Variants in PLXNA4 observed in about 807,000 individuals in gnomAD.
PLXNA4 encodes plexin-A4.
PLXNA4 carries 44 observed loss-of-function variants against 191.8 expected under a neutral mutation model. The observed-to-expected ratio is 0.23, with a 90% CI of 0.18 to 0.29. The LOEUF is 0.29. Among genes scored for constraint, PLXNA4 ranks in the 10% least tolerant of loss-of-function variants. PLXNA4 has a pLI of 1.00. For missense variants in PLXNA4, 1,800 were observed against 2,488.8 expected, an observed-to-expected ratio of 0.72 and a Z score of 5.89; for synonymous variants, 1,082 against 1,009.5, an observed-to-expected ratio of 1.07 and a Z score of -1.36.
At chr7:132,284,093 A>C (rs1421274861) in intron 4 of PLXNA4, among the ~76,000 whole-genome samples, 1 of 152,190 alleles carries the variant, frequency 6.6e-6, no homozygotes, top group Non-Finnish European at 1.5e-5. Context: ...GGATCATCTG[A>C]GCTTAGGACT....
intron 3 of PLXNA4, among the ~76,000 whole-genome samples, chr7:132,371,656 G>A (rs1804445683): frequency 6.6e-6 from 1 of 152,214 alleles, no homozygotes; most frequent in Non-Finnish European, 1.5e-5. Context: ...CTCGAGTGGG[G>A]ACGGAGACAG....
intron 2 of PLXNA4, among the ~76,000 whole-genome samples, chr7:132,504,207 C>T (rs1422168770): frequency 6.6e-6 from 1 of 152,262 alleles, no homozygotes; most frequent in Non-Finnish European, 1.5e-5. Context: ...GGTTCTACCC[C>T]AACGGCCCAA....
intron 3 of PLXNA4, among the ~76,000 whole-genome samples, chr7:132,381,936 A>T (rs1376673387): frequency 9.2e-5 from 14 of 152,158 alleles, no homozygotes. Context: ...GATGTGAGAG[A>T]CGATTCCCAC....
intron 14 of PLXNA4, among the ~76,000 whole-genome samples, chr7:132,189,967 A>G (rs951814157): frequency 6.6e-6 from 1 of 152,174 alleles, no homozygotes; most frequent in Non-Finnish European, 1.5e-5. Context: ...TTCCTCAAAG[A>G]TGTCCCTTAA....
chr7:132,275,375 G>T (rs560617275), intron 4 of PLXNA4, among the ~76,000 whole-genome samples: 2 of 151,994 alleles, frequency 1.3e-5, no homozygotes, highest in African/African-American at 2.4e-5. Flanking sequence ...TTTAAAATGC[G>T]GGTATAGTTC....
At position 132,245,174 on chromosome 7, in the gene PLXNA4, C is replaced by T. The variant is rs1799006712; in HGVS notation, c.1504-4008G>A. Among the ~76,000 whole-genome samples, 3 of 150,656 alleles carry T rather than the reference C, an allele frequency of 2.0e-5. No homozygotes were observed. In the South Asian group the frequency reaches 6.3e-4, roughly 31 times the overall value. On this transcript the variant is annotated intron_variant, in intron 4 of 31. Coordinates refer to ENST00000321063, the MANE Select transcript of PLXNA4 (RefSeq NM_020911.2). Reference sequence around the variant, plus strand: ...TAACTGAGTGAGGGAATTCAGACCACAGGAAGAGGTGAAAAAAGAAAGTAA... The same window carrying T: ...TAACTGAGTGAGGGAATTCAGACCATAGGAAGAGGTGAAAAAAGAAAGTAA...
intron 2 of PLXNA4, among the ~76,000 whole-genome samples, chr7:132,599,587 T>C (rs1302554614): frequency 6.6e-6 from 1 of 152,208 alleles, no homozygotes; most frequent in African/African-American, 2.4e-5. Context: ...TTTCATTTAT[T>C]CTAGTAGTTT....
chr7:132,541,192 T>C (rs1187123105), intron 1 of PLXNA4, among the ~76,000 whole-genome samples: 3 of 152,184 alleles, frequency 2.0e-5, no homozygotes, highest in Admixed American at 2.0e-4. Context: ...CCATTTCCCC[T>C]AACTTAACAC....
At chr7:132,413,328 C>T (rs993868640) in intron 3 of PLXNA4, among the ~76,000 whole-genome samples, 1 of 152,112 alleles carries the variant, frequency 6.6e-6, no homozygotes, top group Non-Finnish European at 1.5e-5. Flanking sequence ...ACTGGCTGGG[C>T]CTCCTGTCTC....
At position 132,146,533 on chromosome 7, in the gene PLXNA4, G is replaced by A. The variant is rs376641851; in HGVS notation, c.5032C>T (p.Leu1678=). ...RGSKMVSEIY[L]TRLLATKGTL... ...ACCTTAGTGGCCAGGAGTCGGGTCA[G>A]GTAGATTTCAGACACCATCTTGCTC... The change falls in exon 28 of 32, where the codon CTG becomes TTG. Residue 1678 remains leucine (L), a synonymous_variant. Coordinates refer to ENST00000321063, the MANE Select transcript of PLXNA4 (RefSeq NM_020911.2). 55 of 1,614,132 alleles carry A rather than the reference G, an allele frequency of 3.4e-5. No homozygotes were observed. The East Asian group carries it at 9.8e-4, about 29-fold the overall frequency.
At chr7:132,528,635 T>A (rs6968520) in intron 1 of PLXNA4, among the ~76,000 whole-genome samples, 149,927 of 152,336 alleles carry the variant, frequency 0.98, 73,820 homozygotes, top group Middle Eastern at 1. Context: ...TAAAAGAGAC[T>A]CATGTGAGGG....
At chr7:132,165,001 A>T in intron 23 of PLXNA4, 133 bp downstream of exon 23, 2 of 1,347,120 alleles carry the variant, frequency 1.5e-6, no homozygotes, top group Non-Finnish European at 2.0e-6. Flanking sequence ...CATGATAAGG[A>T]TGAATTCCAT....
rs372732585 is a variant in PLXNA4, at chr7:132,174,958, G to A, written c.3875-38C>T. On this transcript the variant is annotated intron_variant, in intron 20 of 31. Transcript: ENST00000321063. ...GAAGCCTGTGAGATGGCTGGATGGG[G>A]AGGCTCCAGGAGTCACCTCCATCTC... 194 of 1,608,446 alleles carry A rather than the reference G, an allele frequency of 1.2e-4. 1 individual carries two copies. The highest frequency in any genetic ancestry group is 1.3e-4 in the Non-Finnish European group (158 of 1,175,672).
intron 14 of PLXNA4, among the ~76,000 whole-genome samples, chr7:132,189,176 G>C (rs946608757): frequency 1.3e-5 from 2 of 151,848 alleles, no homozygotes; most frequent in Non-Finnish European, 2.9e-5. Flanking sequence ...CTGTGGGTGA[G>C]GGTTCTTAGA....
rs111485775 is a variant in PLXNA4 at position 132,569,998 on chromosome 7, A to T, written c.-87+6424T>A. Among the ~76,000 whole-genome samples, 647 of 152,320 alleles carry T rather than the reference A, an allele frequency of 4.2e-3. 9 individuals are homozygous for T. The highest frequency in any genetic ancestry group is 0.015 in the African/African-American group (617 of 41,574). ...GTAGTCATAGCAAAGTGCTTGTCTTAGTCCAGTGTTTCTCAGTGGATTCCA... is the reference window on the plus strand; with the variant it reads ...GTAGTCATAGCAAAGTGCTTGTCTTTGTCCAGTGTTTCTCAGTGGATTCCA... On this transcript the variant is annotated intron_variant, in intron 1 of 31. Transcript: ENST00000321063.
intron 3 of PLXNA4, among the ~76,000 whole-genome samples, chr7:132,431,164 C>T (rs966441005): frequency 1.3e-5 from 2 of 152,186 alleles, no homozygotes; most frequent in Non-Finnish European, 2.9e-5. Context: ...GAAGTGCTTA[C>T]CCTCGTGCCC....
At chr7:132,458,888 G>T (rs1403615676) in intron 3 of PLXNA4, among the ~76,000 whole-genome samples, 1 of 152,164 alleles carries the variant, frequency 6.6e-6, no homozygotes, top group Non-Finnish European at 1.5e-5. Flanking sequence ...GTGCAGTGGA[G>T]AGCTGGGCGA....
chr7:132,333,766 C>G (rs1802692898), intron 3 of PLXNA4, among the ~76,000 whole-genome samples: 1 of 152,150 alleles, frequency 6.6e-6, no homozygotes, highest in Non-Finnish European at 1.5e-5. Context: ...GCCCCACTTC[C>G]CAAGGGTCCT....
chr7:132,478,322 A>G (rs569173594), intron 3 of PLXNA4, among the ~76,000 whole-genome samples: 1 of 152,390 alleles, frequency 6.6e-6, no homozygotes, highest in South Asian at 2.1e-4. Context: ...TATTCCAGGT[A>G]TGCTAACCTG....
Sources: allele counts gnomAD v4.1 joint callset (sites outside exome capture counted in the v4.1 genomes callset), GRCh38; gene constraint gnomAD v4.1.1; transcripts MANE v1.5; gene names NCBI Gene and HGNC (gene_info 2026-07-23, HGNC 2026-07-21).